OSBP2: variants seen among roughly 807,000 people sequenced by gnomAD.
OSBP2 encodes the protein oxysterol binding protein 2, also known as oxysterol-binding protein 2.
Under a neutral mutation model 96.0 loss-of-function variants are expected in OSBP2, and 66 were observed. The ratio of observed to expected loss-of-function variants is 0.69; its 90% confidence interval spans 0.56 to 0.84. The LOEUF (loss-of-function observed/expected upper bound fraction) is 0.84, where lower values mean the gene tolerates loss of function less well. OSBP2 is among the 40% of genes least tolerant of loss of function. The probability of loss-of-function intolerance (pLI) is 0.00; values close to 1 mark genes in which losing one functional copy is unlikely to be tolerated. For synonymous variants in OSBP2, 525 were observed against 520.9 expected, an observed-to-expected ratio of 1.01 and a Z score of -0.11; for missense variants, 1,038 against 1,222.7, an observed-to-expected ratio of 0.85 and a Z score of 2.25.
intron 12 of OSBP2, among the ~76,000 whole-genome samples, chr22:30,900,640 A>G (rs2040174390): frequency 6.6e-6 from 1 of 152,124 alleles, no homozygotes; most frequent in African/African-American, 2.4e-5. Context: ...GGATATATGT[A>G]CCTCTGATAT....
chr22:30,738,438 C>CA (rs1341387760), intron 1 of OSBP2, among the ~76,000 whole-genome samples: 2 of 152,128 alleles, frequency 1.3e-5, no homozygotes, highest in African/African-American at 2.4e-5. Flanking sequence ...GTCCTTCGAA[C>CA]AAAAGATACC....
intron 2 of OSBP2, among the ~76,000 whole-genome samples, chr22:30,759,299 GA>G (rs1236925976): frequency 3.3e-5 from 5 of 152,176 alleles, no homozygotes; most frequent in African/African-American, 1.2e-4. Flanking sequence ...AGTGAGCCGA[GA>G]TTGCACCACT....
chr22:30,905,441 G>A (rs1021465910), intron 12 of OSBP2, among the ~76,000 whole-genome samples: 26 of 151,642 alleles, frequency 1.7e-4, no homozygotes, highest in East Asian at 1.9e-4. Flanking sequence ...CGTGCCCAGC[G>A]GAGACCCTGT....
At chr22:30,782,418 C>T (rs1304037274) in intron 2 of OSBP2, among the ~76,000 whole-genome samples, 1 of 152,078 alleles carries the variant, frequency 6.6e-6, no homozygotes, top group African/African-American at 2.4e-5. Flanking sequence ...TCTCGAATTC[C>T]TGACCTTAGG....
chr22:30,755,020 C>G (rs1330084774), intron 2 of OSBP2, among the ~76,000 whole-genome samples: 1 of 152,218 alleles, frequency 6.6e-6, no homozygotes, highest in Non-Finnish European at 1.5e-5. Flanking sequence ...GCAGCCTCTC[C>G]TCTTTCTTGC....
rs2040342033 is a variant in OSBP2 at position 30,906,599 on chromosome 22, C to T, written c.*260C>T. ...TATGGACCTGGGCCCTACCGGAACC[C>T]CTGCCCCAGTTACCACAACTCAGGC... On this transcript the variant is annotated 3_prime_UTR_variant, in exon 14 of 14. Transcript: ENST00000332585. 5.6e-6 allele frequency: 2 copies of T among 354,876 alleles called. No homozygotes were observed. Among genetic ancestry groups the T allele is most frequent in the East Asian group, 9.2e-5 (2 of 21,846 alleles). 22.0% of individuals were successfully genotyped at this position (354,876 alleles called of 1,614,324 possible).
chr22:30,888,897 A>G (rs769410366), intron 5 of OSBP2, among the ~76,000 whole-genome samples: 6 of 152,194 alleles, frequency 3.9e-5, no homozygotes, highest in Non-Finnish European at 5.9e-5. Flanking sequence ...ACTGTACTGA[A>G]TATTGTAGGC....
intron 1 of OSBP2, among the ~76,000 whole-genome samples, chr22:30,712,630 G>T (rs9609057): frequency 0.16 from 24,915 of 152,150 alleles, 2,459 homozygotes; most frequent in Middle Eastern, 0.24. Flanking sequence ...TGACCTGGGA[G>T]GGAACTGGAG....
At chr22:30,892,732 C>T (rs537187887) in intron 8 of OSBP2, among the ~76,000 whole-genome samples, 1 of 152,148 alleles carries the variant, frequency 6.6e-6, no homozygotes, top group East Asian at 1.9e-4. Flanking sequence ...CTTGGTATAA[C>T]ATGGCACAGC....
chr22:30,890,857 G>T lies in OSBP2; in HGVS notation c.1753G>T (p.Val585Leu), dbSNP rs773485526. ...GATGTGCCTGGTGGCCGCCTTCTCT[G>T]TGTCCTCCTACTCCACCACAGTGCA... is the stretch of plus-strand genomic sequence containing the variant. ...EQMCLVAAFS[V>L]SSYSTTVHRI... The change falls in exon 8 of 14, where the codon GTG (valine) becomes TTG (leucine). Residue 585 changes from valine to leucine, a missense_variant. This residue lies in a region of OSBP2 where 737 missense variants were observed against 913.3 expected (regional missense o/e 0.81). Transcript: ENST00000332585. The surrounding 1 kb of genome is among the most constrained non-coding windows in gnomAD (Gnocchi z 4.4). 1 of 1,613,806 alleles carries T rather than the reference G, an allele frequency of 6.2e-7. No individual in the cohort carries two copies. The highest frequency in any genetic ancestry group is 1.1e-5 in the South Asian group (1 of 91,086).
chr22:30,892,296 C>T (rs903876501), intron 8 of OSBP2, among the ~76,000 whole-genome samples: 1 of 152,110 alleles, frequency 6.6e-6, no homozygotes, highest in Non-Finnish European at 1.5e-5. Context: ...CCTATGGGCT[C>T]CTTGGGGAGG....
At position 30,890,986 on chromosome 22, in the gene OSBP2, G is replaced by A; in HGVS notation, c.1869+13G>A. 6.3e-7 allele frequency: 1 copy of A among 1,599,822 alleles called. No homozygotes were observed. On this transcript the variant is annotated intron_variant, in intron 8 of 13. Coordinates refer to ENST00000332585, the MANE Select transcript of OSBP2 (RefSeq NM_030758.4). The surrounding 1 kb of genome is among the most constrained non-coding windows in gnomAD (Gnocchi z 4.4). The stretch of plus-strand genomic sequence containing the variant: ...CCTCTGTGAGCAGGTGAGGGGGCTA[G>A]GCTGGCACTGGGTGGCGCCCACCCA...
intron 2 of OSBP2, among the ~76,000 whole-genome samples, chr22:30,801,817 A>C (rs2090854870): frequency 1.3e-5 from 2 of 152,038 alleles, no homozygotes; most frequent in Admixed American, 1.3e-4. Flanking sequence ...CAACAACAAC[A>C]AAAAAAAATC....
intron 3 of OSBP2, among the ~76,000 whole-genome samples, chr22:30,873,657 C>G (rs189672962): frequency 1.3e-5 from 2 of 152,306 alleles, no homozygotes; most frequent in African/African-American, 4.8e-5. Context: ...CCCCTAGCGC[C>G]CGTGCCTGCA....
chr22:30,869,216 G>A lies in OSBP2; in HGVS notation c.854-1213G>A, dbSNP rs2039409785. On this transcript the variant is annotated intron_variant, in intron 2 of 13. Transcript: ENST00000332585. ...GTGAGAGAGAGGTAAGAGGGGGCGTGGGAGCTGGCAGAGGGCACAGCCTGC... is the reference window on the plus strand; with the variant it reads ...GTGAGAGAGAGGTAAGAGGGGGCGTAGGAGCTGGCAGAGGGCACAGCCTGC... 2.6e-5 allele frequency among the ~76,000 whole-genome samples: 4 copies of A among 152,288 alleles called. No individual in the cohort carries two copies. The South Asian group carries it at 8.3e-4, about 32-fold the overall frequency.
intron 12 of OSBP2, 71 bp from the exon 13 acceptor site, chr22:30,905,766 G>A: frequency 1.3e-6 from 2 of 1,584,660 alleles, no homozygotes; most frequent in Non-Finnish European, 1.7e-6. Context: ...CGCCAGGCAG[G>A]GGAGGGCGGC....
intron 2 of OSBP2, among the ~76,000 whole-genome samples, chr22:30,843,379 A>G (rs2038795666): frequency 6.6e-6 from 1 of 151,330 alleles, no homozygotes; most frequent in African/African-American, 2.4e-5. Flanking sequence ...TGCAAGCTTC[A>G]TTTGCCAAAC....
At chr22:30,722,150 G>A (rs2089561814) in intron 1 of OSBP2, among the ~76,000 whole-genome samples, 1 of 152,184 alleles carries the variant, frequency 6.6e-6, no homozygotes, top group African/African-American at 2.4e-5. Flanking sequence ...CACTTAGTGT[G>A]CAGCCTCATT....
chr22:30,906,082 G>C lies in OSBP2; in HGVS notation c.2608+13G>C. 6.3e-7 allele frequency: 1 copy of C among 1,578,046 alleles called. No homozygotes were observed. The highest frequency in any genetic ancestry group is 8.6e-7 in the Non-Finnish European group (1 of 1,163,280). On this transcript the variant is annotated intron_variant, in intron 13 of 13. Coordinates refer to ENST00000332585, the MANE Select transcript of OSBP2 (RefSeq NM_030758.4). ...AGCTCGGAGGAAGGTGAGGCCGGGC[G>C]GGAAGGGCGCCCCGGAGGGGAGGAA... is the stretch of plus-strand genomic sequence containing the variant.
Sources: gnomAD v4.1 joint callset for allele counts (sites outside exome capture counted in the v4.1 genomes callset) on GRCh38, gnomAD v4.1.1 for gene constraint, gnomAD v4.1.1 regional missense constraint, Gnocchi (gnomAD v3.1) non-coding constraint, MANE v1.5 for transcripts, NCBI Gene and HGNC (gene_info 2026-07-23, HGNC 2026-07-21) for gene names.